The following CDCP1 variants were observed in gnomAD, a reference collection of about 807,000 sequenced individuals.
CDCP1 encodes the protein CUB domain-containing protein 1.
CDCP1 carries 29 observed loss-of-function variants against 60.2 expected under a neutral mutation model. The observed-to-expected ratio is 0.48, with a 90% confidence interval of 0.36 to 0.66. CDCP1 has a LOEUF of 0.66. Ranked by LOEUF, CDCP1 falls within the 30% of genes least tolerant of loss-of-function variation. The pLI, the probability that CDCP1 is intolerant of heterozygous loss-of-function variation, is 0.00. For synonymous variants in CDCP1, 387 were observed against 431.1 expected, an observed-to-expected ratio of 0.90 and a Z score of 1.27; for missense variants, 876 against 1,074.3, an observed-to-expected ratio of 0.82 and a Z score of 2.58.
chr3:45,097,937 TAGTC>T (rs1698429526), intron 4 of CDCP1, among the ~76,000 whole-genome samples: 1 of 152,130 alleles, frequency 6.6e-6, no homozygotes, highest in Non-Finnish European at 1.5e-5. Flanking sequence ...ATTTGGAAAA[TAGTC>T]AGCTTTTCAA....
At chr3:45,124,513 C>T (rs972632836) in intron 1 of CDCP1, among the ~76,000 whole-genome samples, 1 of 152,074 alleles carries the variant, frequency 6.6e-6, no homozygotes, top group East Asian at 1.9e-4. Flanking sequence ...CCCAGGATGC[C>T]AAGGGAGGCA....
At chr3:45,138,972 A>C (rs1699237775) in intron 1 of CDCP1, among the ~76,000 whole-genome samples, 1 of 152,196 alleles carries the variant, frequency 6.6e-6, no homozygotes, top group Non-Finnish European at 1.5e-5. Context: ...GGCTGCTTCC[A>C]CTCACGGCAG....
intron 1 of CDCP1, among the ~76,000 whole-genome samples, chr3:45,129,691 T>A (rs1049318448): frequency 6.6e-6 from 1 of 152,032 alleles, no homozygotes; most frequent in Non-Finnish European, 1.5e-5. Context: ...GGCCCACAGC[T>A]CCCCTCCCTC....
At chr3:45,143,706 G>A (rs1039298673) in intron 1 of CDCP1, among the ~76,000 whole-genome samples, 6 of 149,326 alleles carry the variant, frequency 4.0e-5, no homozygotes, top group African/African-American at 1.5e-4. Flanking sequence ...TAGCCAGGGA[G>A]AACACCCAGA....
At position 45,110,823 on chromosome 3, in the gene CDCP1, G is replaced by C. The variant is rs1307630595; in HGVS notation, c.674C>G (p.Ser225Cys). The change falls in exon 4 of 9, where the codon TCT becomes TGT. Residue 225 changes from serine to cysteine, a missense_variant. Transcript: ENST00000296129. ...SSIKRLCIIE[S>C]VFEGEGSATL... ...TGCTGAGCCTTCACCCTCAAACACA[G>C]ACTCGATGATGCACAGACCTAGTGG... is the stretch of plus-strand genomic sequence containing the variant. 1.2e-6 allele frequency: 2 copies of C among 1,613,444 alleles called. No individual in the cohort carries two copies. The highest frequency in any genetic ancestry group is 1.7e-6 in the Non-Finnish European group (2 of 1,179,724).
At chr3:45,093,774 C>G (rs1263916472) in intron 5 of CDCP1, 117 bp from the exon 6 acceptor site, 2 of 1,176,330 alleles carry the variant, frequency 1.7e-6, no homozygotes, top group Non-Finnish European at 2.4e-6. Context: ...TCCCTTCGGT[C>G]TCTCTTCTCC....
rs1326267444 is a variant in CDCP1 at position 45,110,672 on chromosome 3, C to G, written c.825G>C (p.Glu275Asp). The change falls in exon 4 of 9, where the codon GAG (glutamate) becomes GAC (aspartate). Residue 275 changes from glutamate (E) to aspartate (D), a missense_variant. Glu to Asp is a conservative substitution (Grantham distance 45, BLOSUM62 2). Around this residue, in one of 2 missense-constraint regions of CDCP1, gnomAD observed 726 missense variants for 935.7 expected, o/e 0.78. Transcript: ENST00000296129. Reference protein sequence around the residue: ...SFLNFNLSNCERKEERVEYYI... With the variant: ...SFLNFNLSNCDRKEERVEYYI... ...AGTATTCAACCCGCTCCTCCTTCCT[C>G]TCACAGTTGGAGAGGTTGAAGTTGA... The G allele has an allele frequency of 6.2e-7, 1 of 1,614,068 alleles. No individual in the cohort carries two copies. The highest frequency in any genetic ancestry group is 8.5e-7 in the Non-Finnish European group (1 of 1,180,046).
intron 6 of CDCP1, among the ~76,000 whole-genome samples, chr3:45,092,796 G>A (rs1442500397): frequency 2.0e-5 from 3 of 152,076 alleles, no homozygotes; most frequent in East Asian, 3.9e-4. Flanking sequence ...AGGAGGGTCG[G>A]GTCTGCCCAG....
intron 1 of CDCP1, among the ~76,000 whole-genome samples, chr3:45,125,449 G>C (rs1698961508): frequency 6.6e-6 from 1 of 152,196 alleles, no homozygotes; most frequent in South Asian, 2.1e-4. Flanking sequence ...GCTTCTTGGT[G>C]CCTCACTTTC....
intron 4 of CDCP1, among the ~76,000 whole-genome samples, chr3:45,096,318 C>T (rs549915495): frequency 2.0e-5 from 3 of 151,998 alleles, no homozygotes; most frequent in Admixed American, 6.6e-5. Context: ...TGGAATATTA[C>T]GGAGCTGTTA....
At chr3:45,113,817 CTT>C (rs1698738316) in intron 2 of CDCP1, among the ~76,000 whole-genome samples, 1 of 152,198 alleles carries the variant, frequency 6.6e-6, no homozygotes, top group Non-Finnish European at 1.5e-5. Context: ...TAAAATTAGA[CTT>C]TGCGTGTTAG....
In CDCP1 at chr3:45,118,503, C is replaced by T; in HGVS notation, c.201G>A (p.Met67Ile). 1.9e-6 allele frequency: 3 copies of T among 1,614,142 alleles called. No individual in the cohort carries two copies. Among genetic ancestry groups the T allele is most frequent in the Middle Eastern group, 1.6e-4 (1 of 6,062 alleles). Residue 67 changes from methionine to isoleucine, a missense_variant, in exon 2 of 9, where the codon ATG becomes ATA. Met to Ile is a conservative substitution (Grantham distance 10). Transcript: ENST00000296129. Reference protein sequence around the residue: ...YIVISKRHITMLSIKSGERIV... With the variant: ...YIVISKRHITILSIKSGERIV... ...TTCTTTCTCCAGACTTGATGGACAA[C>T]ATGGTTATATGTCTTTTAGAAATGA...
chr3:45,139,767 C>T (rs1292726011), intron 1 of CDCP1, among the ~76,000 whole-genome samples: 1 of 152,154 alleles, frequency 6.6e-6, no homozygotes, highest in East Asian at 1.9e-4. Flanking sequence ...CCAGTATGAG[C>T]AGCAGTGTGT....
chr3:45,090,378 C>A (rs1157716498), intron 7 of CDCP1, among the ~76,000 whole-genome samples: 1 of 152,230 alleles, frequency 6.6e-6, no homozygotes, highest in East Asian at 1.9e-4. Flanking sequence ...GGAATAAAGG[C>A]AAACTCATCA....
chr3:45,121,980 T>G (rs762531465), intron 1 of CDCP1, among the ~76,000 whole-genome samples: 50 of 152,330 alleles, frequency 3.3e-4, no homozygotes, highest in Non-Finnish European at 6.6e-4. Flanking sequence ...TGTAATATTT[T>G]AAATCTCTTT....
At chr3:45,117,939 G>A (rs893465735) in intron 2 of CDCP1, among the ~76,000 whole-genome samples, 3 of 152,152 alleles carry the variant, frequency 2.0e-5, no homozygotes, top group Middle Eastern at 3.2e-3. Context: ...TGGGATTACA[G>A]GTGTGAACCA....
At position 45,091,377 on chromosome 3, in the gene CDCP1, C is replaced by T. The variant is rs755865664; in HGVS notation, c.1789G>A (p.Val597Met). ...CLTFFKERSGVVCQTGRAFMI... is the reference protein window; with the variant it reads ...CLTFFKERSGMVCQTGRAFMI... Reference sequence around the variant, plus strand: ...AATGCGCGCCCTGTCTGGCAGACCACGCCGCTCCGCTCCTTAAAGAAAGTC... The same window carrying T: ...AATGCGCGCCCTGTCTGGCAGACCATGCCGCTCCGCTCCTTAAAGAAAGTC... The change falls in exon 7 of 9, where the codon GTG becomes ATG. Residue 597 changes from valine (V) to methionine (M), a missense_variant. Val to Met is a conservative substitution (Grantham distance 21). Transcript: ENST00000296129. The surrounding 1 kb of genome is among the most constrained non-coding windows in gnomAD (Gnocchi z 4.8). The T allele has an allele frequency of 2.6e-5, 42 of 1,614,038 alleles. No individual in the cohort carries two copies. The highest frequency in any genetic ancestry group is 1.2e-4 in the South Asian group (11 of 91,084).
intron 1 of CDCP1, among the ~76,000 whole-genome samples, chr3:45,141,629 A>G (rs1699291505): frequency 6.6e-6 from 1 of 152,172 alleles, no homozygotes; most frequent in Non-Finnish European, 1.5e-5. Flanking sequence ...CAGCAATAGT[A>G]GTTAATACTT....
At chr3:45,108,160 C>T (rs942119919) in intron 4 of CDCP1, among the ~76,000 whole-genome samples, 4 of 151,774 alleles carry the variant, frequency 2.6e-5, no homozygotes, top group African/African-American at 9.7e-5. Flanking sequence ...GTCAGACAAA[C>T]AGGTAGGGGC....
Sources: allele counts gnomAD v4.1 joint callset (sites outside exome capture counted in the v4.1 genomes callset), GRCh38; gene constraint gnomAD v4.1.1; regional missense constraint gnomAD v4.1.1; non-coding constraint Gnocchi (gnomAD v3.1); transcripts MANE v1.5; gene names NCBI Gene and HGNC (gene_info 2026-07-23, HGNC 2026-07-21).